ARAP2: variants seen among roughly 807,000 people sequenced by gnomAD.
ARAP2 encodes ArfGAP with RhoGAP domain, ankyrin repeat and PH domain 2.
Under a neutral mutation model 194.5 loss-of-function variants are expected in ARAP2, and 148 were observed. The observed-to-expected ratio is 0.76, with a 90% CI of 0.67 to 0.87. ARAP2 has a LOEUF of 0.87. Ranked by LOEUF, ARAP2 falls within the 40% of genes least tolerant of loss-of-function variation. ARAP2 has a pLI of 0.00. For synonymous variants in ARAP2, 695 were observed against 683.5 expected, an observed-to-expected ratio of 1.02 and a Z score of -0.26; for missense variants, 2,128 against 1,989.7, an observed-to-expected ratio of 1.07 and a Z score of -1.32.
intron 30 of ARAP2, 77 bp downstream of exon 30, chr4:36,082,174 T>C: frequency 7.5e-7 from 1 of 1,340,298 alleles, no homozygotes; most frequent in Non-Finnish European, 1.1e-6. Context: ...TAGTTCTATC[T>C]GCAATTACTG....
At chr4:36,061,466 T>G (rs1013292234), downstream of ARAP2, among the ~76,000 whole-genome samples, 1 of 152,228 alleles carries the variant, frequency 6.6e-6, no homozygotes, top group African/African-American at 2.4e-5. Context: ...CTTAGCATAT[T>G]GACCTCCAGT....
chr4:36,132,949 C>A (rs142412712), intron 20 of ARAP2, among the ~76,000 whole-genome samples: 2 of 151,608 alleles, frequency 1.3e-5, no homozygotes, highest in African/African-American at 4.8e-5. Context: ...ATATAATCTA[C>A]TATTTTTATG....
chr4:36,166,007 A>C (rs1223927526), intron 10 of ARAP2, among the ~76,000 whole-genome samples: 1 of 152,184 alleles, frequency 6.6e-6, no homozygotes, highest in Non-Finnish European at 1.5e-5. Context: ...TTCTGGTTCT[A>C]CTAGAAATTT....
chr4:36,150,788 A>G, intron 16 of ARAP2, 112 bp downstream of exon 16: 1 of 1,193,696 alleles, frequency 8.4e-7, no homozygotes, highest in Non-Finnish European at 1.2e-6. Flanking sequence ...AAAACCATTC[A>G]ACCCTTCTAT....
rs757438091 is a variant in ARAP2 at position 36,229,031 on chromosome 4, G to A, written c.456C>T (p.Asp152=). ...GGTGTGGTTCCTCTGCAGTGGGGAA[G>A]TCGCGTTTAGGAGGAGACAGCTTAT... ...SDDKLSPPKR[D]FPTAEEPHLN... The change falls in exon 2 of 33, where the codon GAC becomes GAT. Residue 152 remains aspartate (D), a synonymous_variant. Transcript: ENST00000303965. 3.1e-6 allele frequency: 5 copies of A among 1,614,132 alleles called. No homozygotes were observed. Among genetic ancestry groups the A allele is most frequent in the African/African-American group, 1.3e-5 (1 of 75,058 alleles).
chr4:36,198,091 T>C (rs561098602), intron 6 of ARAP2, among the ~76,000 whole-genome samples: 3 of 152,048 alleles, frequency 2.0e-5, no homozygotes, highest in Non-Finnish European at 2.9e-5. Context: ...CGCAGACAAG[T>C]GGAGGGTGAG....
chr4:36,228,354 C>T (rs1232992507), intron 2 of ARAP2, among the ~76,000 whole-genome samples: 4 of 152,228 alleles, frequency 2.6e-5, no homozygotes, highest in Admixed American at 2.0e-4. Context: ...AGGGATGTCC[C>T]CCCGCTTAAA....
intron 2 of ARAP2, among the ~76,000 whole-genome samples, chr4:36,221,832 T>C (rs1267757588): frequency 6.6e-6 from 1 of 152,150 alleles, no homozygotes; most frequent in Non-Finnish European, 1.5e-5. Context: ...ACACTTATTA[T>C]GCCCAAAGCA....
intron 31 of ARAP2, among the ~76,000 whole-genome samples, chr4:36,076,470 G>A (rs12498332): frequency 6.6e-6 from 1 of 151,984 alleles, no homozygotes; most frequent in Non-Finnish European, 1.5e-5. Context: ...AATTACTTGA[G>A]AGAATTTTCT....
rs115824075 is a variant in ARAP2 at position 36,052,278 on chromosome 4, T to C, written n.322-225A>G. Among the ~76,000 whole-genome samples the C allele has an allele frequency of 4.2e-3, 647 of 152,282 alleles. 3 individuals are homozygous for C. The highest frequency in any genetic ancestry group is 0.014 in the Middle Eastern group (4 of 294). On this transcript the variant is annotated intron_variant and non_coding_transcript_variant, in intron 2 of 12. Transcript: ENST00000503225. ...ATTAATAACTTTTAATTAGAACGCATTGGAAAGGAAGTAGGAATGAAAGAA... is the reference window on the plus strand; with the variant it reads ...ATTAATAACTTTTAATTAGAACGCACTGGAAAGGAAGTAGGAATGAAAGAA...
At chr4:36,116,202 G>A (rs540508647) in intron 25 of ARAP2, among the ~76,000 whole-genome samples, 3 of 151,884 alleles carry the variant, frequency 2.0e-5, no homozygotes, top group Non-Finnish European at 4.4e-5. Flanking sequence ...ACTTAATGGT[G>A]TATAGTTACA....
intron 5 of ARAP2, among the ~76,000 whole-genome samples, chr4:36,043,303 A>T (rs781505985): frequency 5.9e-5 from 9 of 152,194 alleles, no homozygotes; most frequent in Non-Finnish European, 1.2e-4. Flanking sequence ...GCTAATTTTC[A>T]CTAATATGAA....
chr4:36,084,039 C>G, intron 28 of ARAP2, among the ~76,000 whole-genome samples: 1 of 152,182 alleles, frequency 6.6e-6, no homozygotes, highest in East Asian at 1.9e-4. Flanking sequence ...CTTGGACTTA[C>G]ACCAGCAGTT....
At chr4:36,199,268 G>A (rs1362882709) in intron 6 of ARAP2, among the ~76,000 whole-genome samples, 1 of 152,196 alleles carries the variant, frequency 6.6e-6, no homozygotes, top group Non-Finnish European at 1.5e-5. Flanking sequence ...TAATTTCCAT[G>A]TAATTTCAAA....
chr4:36,034,439 C>G (rs983596724), intron 5 of ARAP2, among the ~76,000 whole-genome samples: 22 of 152,232 alleles, frequency 1.4e-4, no homozygotes, highest in African/African-American at 5.3e-4. Context: ...ATTTGGCTCT[C>G]AGCTTGGCTG....
chr4:36,182,383 T>A (rs1739494539), intron 8 of ARAP2, among the ~76,000 whole-genome samples: 1 of 152,016 alleles, frequency 6.6e-6, no homozygotes, highest in Non-Finnish European at 1.5e-5. Flanking sequence ...TCCCAGCTAC[T>A]TCGGAGGCTG....
chr4:36,091,330 CCT>C (rs1414876746), intron 28 of ARAP2, among the ~76,000 whole-genome samples: 1 of 151,968 alleles, frequency 6.6e-6, no homozygotes, highest in Non-Finnish European at 1.5e-5. Context: ...TTATCTACTC[CCT>C]CTTTTATATC....
intron 15 of ARAP2, among the ~76,000 whole-genome samples, chr4:36,152,798 T>C (rs1033438332): frequency 2.8e-4 from 42 of 152,162 alleles, no homozygotes; most frequent in Non-Finnish European, 1.9e-4. Context: ...GAAAGAACAG[T>C]ATGAGGGAAG....
chr4:36,109,430 TTTTC>T (rs1385595795), intron 26 of ARAP2, among the ~76,000 whole-genome samples: 1 of 151,908 alleles, frequency 6.6e-6, no homozygotes, highest in Non-Finnish European at 1.5e-5. Flanking sequence ...TATTGCATTA[TTTTC>T]TTTGATGGCC....
Sources: allele counts gnomAD v4.1 joint callset (sites outside exome capture counted in the v4.1 genomes callset), GRCh38; gene constraint gnomAD v4.1.1; transcripts MANE v1.5; gene names NCBI Gene and HGNC (gene_info 2026-07-23, HGNC 2026-07-21).